Variants in LDLRAD3 observed in about 807,000 individuals in gnomAD.
LDLRAD3 encodes the protein low-density lipoprotein receptor class A domain-containing protein 3.
LDLRAD3 carries 20 observed loss-of-function variants against 29.4 expected under a neutral mutation model. The ratio of observed to expected loss-of-function variants is 0.68; its 90% CI spans 0.48 to 0.99. The LOEUF is 0.99. LDLRAD3 is among the 50% of genes least tolerant of loss of function. The pLI is 0.00. For synonymous variants in LDLRAD3, 157 were observed against 192.7 expected (o/e 0.81, Z 1.53); for missense variants, 420 against 454.3 (o/e 0.92, Z 0.69).
At chr11:36,016,565 T>TG (rs1852025334) in intron 1 of LDLRAD3, among the ~76,000 whole-genome samples, 1 of 152,236 alleles carries the variant, frequency 6.6e-6, no homozygotes, top group Non-Finnish European at 1.5e-5. Context: ...TAAATCATCT[T>TG]GGCCGCTTTC....
chr11:36,164,127 C>G (rs1280819732), intron 4 of LDLRAD3, among the ~76,000 whole-genome samples: 1 of 152,194 alleles, frequency 6.6e-6, no homozygotes, highest in Non-Finnish European at 1.5e-5. Context: ...CACACAGGAG[C>G]TGATATCATG....
intron 4 of LDLRAD3, among the ~76,000 whole-genome samples, chr11:36,216,057 C>T (rs1855348367): frequency 6.6e-6 from 1 of 152,222 alleles, no homozygotes. Flanking sequence ...TCACTTCATG[C>T]TCAGGAGCTG....
At chr11:36,156,746 TTCATCA>T (rs150316637) in intron 4 of LDLRAD3, among the ~76,000 whole-genome samples, 10,576 of 152,280 alleles carry the variant, frequency 0.069, 532 homozygotes, top group East Asian at 0.24. Flanking sequence ...AAGATCAGCA[TTCATCA>T]TCTTCAGCAT....
chr11:36,203,823 G>A (rs1016312803), intron 4 of LDLRAD3, among the ~76,000 whole-genome samples: 1 of 152,124 alleles, frequency 6.6e-6, no homozygotes, highest in Non-Finnish European at 1.5e-5. Flanking sequence ...TTCACTGTTA[G>A]GTCACAACAT....
intron 2 of LDLRAD3, among the ~76,000 whole-genome samples, chr11:36,079,537 G>C (rs1386628882): frequency 6.6e-6 from 1 of 152,184 alleles, no homozygotes; most frequent in African/African-American, 2.4e-5. Context: ...AAGTGCTGTG[G>C]ATACAACTGG....
intron 4 of LDLRAD3, among the ~76,000 whole-genome samples, chr11:36,140,992 T>TCTCTCTC (rs1854073899): frequency 6.4e-5 from 7 of 109,996 alleles, no homozygotes; most frequent in East Asian, 2.9e-4. Flanking sequence ...CTGTTGAGCT[T>TCTCTCTC]TCTCTCTCTC....
At chr11:36,004,331 G>A (rs551808714) in intron 1 of LDLRAD3, among the ~76,000 whole-genome samples, 1 of 152,232 alleles carries the variant, frequency 6.6e-6, no homozygotes, top group South Asian at 2.1e-4. Context: ...TGAAAAAATG[G>A]GGCTGTAGTC....
At chr11:36,048,821 C>T (rs2133221486) in intron 2 of LDLRAD3, among the ~76,000 whole-genome samples, 1 of 152,268 alleles carries the variant, frequency 6.6e-6, no homozygotes, top group Admixed American at 6.5e-5. Flanking sequence ...TGGAAACTAC[C>T]AATTTAAATG....
chr11:36,101,539 A>G (rs1853446793), intron 4 of LDLRAD3, among the ~76,000 whole-genome samples: 1 of 152,194 alleles, frequency 6.6e-6, no homozygotes, highest in African/African-American at 2.4e-5. Flanking sequence ...GAATTCCGTC[A>G]TTTCCTCAGT....
intron 4 of LDLRAD3, among the ~76,000 whole-genome samples, chr11:36,195,194 C>G (rs555298766): frequency 6.6e-6 from 1 of 152,316 alleles, no homozygotes; most frequent in East Asian, 1.9e-4. Flanking sequence ...TCATCATCAT[C>G]ATTACCATCA....
intron 1 of LDLRAD3, among the ~76,000 whole-genome samples, chr11:35,982,966 G>A (rs1303816313): frequency 4.1e-5 from 6 of 147,172 alleles, no homozygotes; most frequent in African/African-American, 5.1e-5. Context: ...TGATTCTCCT[G>A]CCTCAGCCTC....
rs187052906 is a variant in LDLRAD3, at chr11:36,137,597, A to G, written c.454+39136A>G. 6.8e-4 allele frequency among the ~76,000 whole-genome samples: 104 copies of G among 152,366 alleles called. 1 individual carries two copies. The highest frequency in any genetic ancestry group is 1.5e-5 in the Non-Finnish European group (1 of 68,032). On this transcript the variant is annotated intron_variant, in intron 4 of 5. Coordinates refer to ENST00000315571, the MANE Select transcript of LDLRAD3 (RefSeq NM_174902.4). ...GTTTCCAGGAGGTTGAAGTTTCATG[A>G]GAACAGCTCGGCACAGCTAAGCTGG...
chr11:36,180,746 G>T (rs1854749149), intron 4 of LDLRAD3, among the ~76,000 whole-genome samples: 1 of 152,136 alleles, frequency 6.6e-6, no homozygotes, highest in Admixed American at 6.5e-5. Context: ...GCTGTAATAA[G>T]GGGTAGGTGG....
chr11:35,982,598 C>G (rs571487516), intron 1 of LDLRAD3, among the ~76,000 whole-genome samples: 2 of 152,304 alleles, frequency 1.3e-5, no homozygotes, highest in East Asian at 3.9e-4. Flanking sequence ...CATGGACTTA[C>G]TGTGCATGCC....
chr11:36,119,075 T>C (rs771179945), intron 4 of LDLRAD3, among the ~76,000 whole-genome samples: 3 of 152,060 alleles, frequency 2.0e-5, no homozygotes, highest in Non-Finnish European at 2.9e-5. Flanking sequence ...GTTAGTGTAG[T>C]AAAATACACT....
At chr11:36,098,065 C>T (rs746925731) in intron 3 of LDLRAD3, among the ~76,000 whole-genome samples, 1 of 152,126 alleles carries the variant, frequency 6.6e-6, no homozygotes, top group East Asian at 1.9e-4. Flanking sequence ...TGAAAGGCAT[C>T]AATATTCAGT....
intron 4 of LDLRAD3, among the ~76,000 whole-genome samples, chr11:36,135,309 A>C (rs1360715509): frequency 6.6e-6 from 1 of 152,212 alleles, no homozygotes; most frequent in Non-Finnish European, 1.5e-5. Context: ...GATTCTTGAA[A>C]GATTGATTGC....
At chr11:36,194,869 C>T (rs995056453) in intron 4 of LDLRAD3, among the ~76,000 whole-genome samples, 1 of 152,130 alleles carries the variant, frequency 6.6e-6, no homozygotes, top group Non-Finnish European at 1.5e-5. Context: ...GATACTAAGA[C>T]AGATGTGGTC....
intron 3 of LDLRAD3, among the ~76,000 whole-genome samples, chr11:36,082,407 G>T (rs1853128987): frequency 6.6e-6 from 1 of 152,176 alleles, no homozygotes; most frequent in African/African-American, 2.4e-5. Flanking sequence ...TACTCGGGAG[G>T]ATGAGGTGGG....
Sources: allele counts gnomAD v4.1 joint callset (sites outside exome capture counted in the v4.1 genomes callset), GRCh38; gene constraint gnomAD v4.1.1; transcripts MANE v1.5; gene names NCBI Gene and HGNC (gene_info 2026-07-23, HGNC 2026-07-21).